Variants in TBC1D5 observed in about 807,000 individuals in gnomAD.
TBC1D5 encodes TBC1 domain family, member 5.
Under a neutral mutation model 100.3 loss-of-function variants are expected in TBC1D5, and 75 were observed. The observed-to-expected ratio is 0.75, with a 90% CI of 0.62 to 0.91. The LOEUF is 0.91. Among genes scored for constraint, TBC1D5 ranks in the 40% least tolerant of loss-of-function variants. The pLI, the probability that TBC1D5 is intolerant of heterozygous loss-of-function variation, is 0.00. For missense variants in TBC1D5, 910 were observed against 942.4 expected, an observed-to-expected ratio of 0.97 and a Z score of 0.45; for synonymous variants, 323 against 325.6, an observed-to-expected ratio of 0.99 and a Z score of 0.09.
intron 13 of TBC1D5, chr3:17,340,616 CA>C (rs759526654): frequency 2.4e-4 from 37 of 152,260 alleles, no homozygotes; most frequent in Non-Finnish European, 2.4e-4. Flanking sequence ...TGTAACTTAA[CA>C]AAAGTATTTA....
chr3:17,740,012 A>G (rs2077281395), exon 1 of TBC1D5: 1 of 151,752 alleles, frequency 6.6e-6, no homozygotes, highest in African/African-American at 2.4e-5. Context: ...CAAAAAAACA[A>G]AAAACAAAAA....
chr3:17,688,812 A>T (rs2070692363), intron 1 of TBC1D5, among the ~76,000 whole-genome samples: 1 of 152,162 alleles, frequency 6.6e-6, no homozygotes. Flanking sequence ...TGCTTCTACA[A>T]ATCCTTCCAC....
At chr3:17,712,850 TTAAATAGTC>T (rs2074872375) in intron 1 of TBC1D5, among the ~76,000 whole-genome samples, 1 of 152,136 alleles carries the variant, frequency 6.6e-6, no homozygotes. Flanking sequence ...AATAAATAAA[TTAAATAGTC>T]AGTAATTCTG....
chr3:17,511,748 C>T (rs1279004143), intron 2 of TBC1D5, among the ~76,000 whole-genome samples: 2 of 151,970 alleles, frequency 1.3e-5, no homozygotes, highest in African/African-American at 4.8e-5. Flanking sequence ...AATACAAAAT[C>T]AACCACATAC....
intron 17 of TBC1D5, among the ~76,000 whole-genome samples, chr3:17,237,817 A>G (rs2075979343): frequency 6.6e-6 from 1 of 152,184 alleles, no homozygotes; most frequent in African/African-American, 2.4e-5. Context: ...GGAACTTCTC[A>G]TTTTGGATTC....
intron 2 of TBC1D5, among the ~76,000 whole-genome samples, chr3:17,563,296 A>G (rs950078688): frequency 1.3e-5 from 2 of 152,238 alleles, no homozygotes; most frequent in Non-Finnish European, 2.9e-5. Context: ...CCTGGAGGTC[A>G]TAACAATAGC....
intron 2 of TBC1D5, among the ~76,000 whole-genome samples, chr3:17,558,272 T>C (rs1464604769): frequency 6.6e-6 from 1 of 152,120 alleles, no homozygotes; most frequent in Non-Finnish European, 1.5e-5. Context: ...TTTATGTAAA[T>C]AAGGAAATCT....
At chr3:17,172,551 C>A (rs914775625) in intron 19 of TBC1D5, among the ~76,000 whole-genome samples, 1 of 152,310 alleles carries the variant, frequency 6.6e-6, no homozygotes, top group Non-Finnish European at 1.5e-5. Flanking sequence ...TTTATAATCT[C>A]CTCACATTTA....
chr3:17,719,635 T>G (rs553943985), intron 1 of TBC1D5, among the ~76,000 whole-genome samples: 1 of 152,120 alleles, frequency 6.6e-6, no homozygotes, highest in Non-Finnish European at 1.5e-5. Context: ...AGGACTGACT[T>G]TGATGCACAA....
intron 17 of TBC1D5, among the ~76,000 whole-genome samples, chr3:17,224,353 T>A (rs1174764938): frequency 6.6e-6 from 1 of 152,208 alleles, no homozygotes; most frequent in Non-Finnish European, 1.5e-5. Context: ...GAGCCACACA[T>A]GCAATTTCTA....
At chr3:17,648,843 T>C (rs1192996963) in intron 1 of TBC1D5, among the ~76,000 whole-genome samples, 3 of 152,180 alleles carry the variant, frequency 2.0e-5, no homozygotes, top group African/African-American at 4.8e-5. Context: ...GCTGGCAAGT[T>C]TCCAGAGAAA....
rs180779451 is a variant in TBC1D5 at position 17,258,763 on chromosome 3, T to G, written c.1246-172A>C. Among the ~76,000 whole-genome samples the G allele has an allele frequency of 1.7e-3, 255 of 152,276 alleles. 2 individuals carry two copies. The highest frequency in any genetic ancestry group is 0.013 in the South Asian group (61 of 4,832). On this transcript the variant is annotated intron_variant, in intron 15 of 21. Coordinates refer to ENST00000253692, the Ensembl canonical transcript of TBC1D5. ...TATTAAATTATTCCTTACTTCTGATTAAACACAAAAATTATTTATTTTTTC... is the reference window on the plus strand; with the variant it reads ...TATTAAATTATTCCTTACTTCTGATGAAACACAAAAATTATTTATTTTTTC...
chr3:17,659,574 G>C, intron 1 of TBC1D5, among the ~76,000 whole-genome samples: 1 of 152,026 alleles, frequency 6.6e-6, no homozygotes, highest in East Asian at 1.9e-4. Context: ...CAAATTAGTG[G>C]TATTTGTAGT....
At chr3:17,586,638 A>G (rs1020273257) in intron 2 of TBC1D5, 26 of 152,276 alleles carry the variant, frequency 1.7e-4, no homozygotes, top group African/African-American at 3.8e-4. Context: ...AATACAAATC[A>G]TATCATATCA....
intron 18 of TBC1D5, among the ~76,000 whole-genome samples, chr3:17,203,152 C>T (rs575331496): frequency 2.3e-4 from 35 of 152,360 alleles, no homozygotes; most frequent in African/African-American, 7.9e-4. Context: ...AAGCCCACCC[C>T]TTGCATGAGT....
intron 1 of TBC1D5, among the ~76,000 whole-genome samples, chr3:17,626,534 T>C (rs2063077076): frequency 6.6e-6 from 1 of 152,100 alleles, no homozygotes; most frequent in Non-Finnish European, 1.5e-5. Flanking sequence ...CAAAAGCAAG[T>C]AATAGTACAA....
At chr3:17,688,586 G>A (rs954633809) in intron 1 of TBC1D5, among the ~76,000 whole-genome samples, 2 of 152,120 alleles carry the variant, frequency 1.3e-5, no homozygotes, top group East Asian at 1.9e-4. Context: ...TTTACCAACC[G>A]GGGCAAAACA....
intron 13 of TBC1D5, among the ~76,000 whole-genome samples, chr3:17,355,137 T>C (rs949445636): frequency 1.3e-5 from 2 of 152,144 alleles, no homozygotes; most frequent in Non-Finnish European, 2.9e-5. Flanking sequence ...AAGGTTTTTA[T>C]AGAACTCTAG....
At chr3:17,253,095 T>C (rs1247072994) in intron 16 of TBC1D5, among the ~76,000 whole-genome samples, 2 of 152,258 alleles carry the variant, frequency 1.3e-5, no homozygotes, top group Non-Finnish European at 2.9e-5. Flanking sequence ...AAAAGCATTA[T>C]AAGATTCTCC....
Sources: allele counts gnomAD v4.1 joint callset (sites outside exome capture counted in the v4.1 genomes callset), GRCh38; gene constraint gnomAD v4.1.1; transcripts MANE v1.5; gene names NCBI Gene and HGNC (gene_info 2026-07-23, HGNC 2026-07-21).